The following SYT1 variants were observed in gnomAD, a reference collection of about 807,000 sequenced individuals.
The protein encoded by SYT1 is synaptotagmin 1, also known as synaptotagmin-1.
In SYT1, 8 loss-of-function variants were observed where a neutral mutation model predicts 44.8. That is an observed-to-expected ratio of 0.18 (90% CI 0.10 to 0.32). SYT1 has a LOEUF of 0.32. Among genes scored for constraint, SYT1 ranks in the 10% least tolerant of loss-of-function variants. The pLI is 1.00. For synonymous variants in SYT1, 154 were observed against 188.8 expected (o/e 0.82, Z 1.51); for missense variants, 286 against 509.3 (o/e 0.56, Z 4.22).
At chr12:79,195,004 C>T (rs1873367110) in intron 3 of SYT1, among the ~76,000 whole-genome samples, 1 of 152,136 alleles carries the variant, frequency 6.6e-6, no homozygotes, top group Non-Finnish European at 1.5e-5. Flanking sequence ...ATTCTGTTAA[C>T]CTTGAAGCCC....
intron 9 of SYT1, among the ~76,000 whole-genome samples, chr12:79,390,151 T>C (rs1422628384): frequency 6.6e-6 from 1 of 152,068 alleles, no homozygotes; most frequent in Non-Finnish European, 1.5e-5. Context: ...GCCAGGATGG[T>C]CTCGATCTCC....
intron 8 of SYT1, among the ~76,000 whole-genome samples, chr12:79,309,798 T>A (rs183369515): frequency 6.6e-6 from 1 of 152,182 alleles, no homozygotes; most frequent in Non-Finnish European, 1.5e-5. Flanking sequence ...ACTGTTAACA[T>A]TGTATAGAGA....
chr12:79,401,223 C>G (rs1217307328), intron 9 of SYT1, among the ~76,000 whole-genome samples: 1 of 152,010 alleles, frequency 6.6e-6, no homozygotes, highest in African/African-American at 2.4e-5. Context: ...TTCAAACATA[C>G]CGAATATCAA....
intron 1 of SYT1, among the ~76,000 whole-genome samples, chr12:78,899,697 C>T (rs1042782678): frequency 1.3e-4 from 19 of 151,780 alleles, no homozygotes; most frequent in East Asian, 5.8e-4. Context: ...TTGTTTAATA[C>T]GCAAACTTAG....
chr12:79,084,991 T>C (rs187948049), intron 3 of SYT1, among the ~76,000 whole-genome samples: 6 of 152,286 alleles, frequency 3.9e-5, no homozygotes, highest in Admixed American at 2.0e-4. Flanking sequence ...CAAGATTCAT[T>C]TATATTTCAT....
chr12:79,168,266 G>A (rs1033799350), intron 3 of SYT1, among the ~76,000 whole-genome samples: 13 of 152,036 alleles, frequency 8.6e-5, no homozygotes, highest in Non-Finnish European at 1.2e-4. Context: ...CTAAGCCTCA[G>A]TTTCCTCATC....
chr12:79,229,410 A>G (rs1330660831), intron 4 of SYT1, among the ~76,000 whole-genome samples: 1 of 152,182 alleles, frequency 6.6e-6, no homozygotes, highest in Non-Finnish European at 1.5e-5. Context: ...ATAGATACTT[A>G]AATGTATAAG....
chr12:79,369,458 G>A (rs528452684), intron 9 of SYT1, among the ~76,000 whole-genome samples: 31 of 152,268 alleles, frequency 2.0e-4, no homozygotes, highest in South Asian at 1.2e-3. Flanking sequence ...GTGACAAAGC[G>A]AGACTCTGCC....
At chr12:79,288,527 C>G (rs1353622711) in intron 5 of SYT1, among the ~76,000 whole-genome samples, 2 of 152,128 alleles carry the variant, frequency 1.3e-5, no homozygotes, top group Non-Finnish European at 2.9e-5. Flanking sequence ...ATTCCAATTT[C>G]AATATTCATG....
At chr12:78,892,490 A>G (rs1026133437) in intron 1 of SYT1, among the ~76,000 whole-genome samples, 3 of 151,698 alleles carry the variant, frequency 2.0e-5, no homozygotes, top group Non-Finnish European at 3.0e-5. Context: ...ACCAGTATAG[A>G]CCTAAACAAT....
intron 3 of SYT1, among the ~76,000 whole-genome samples, chr12:79,170,290 G>A (rs1180426536): frequency 1.3e-5 from 2 of 151,932 alleles, no homozygotes; most frequent in Admixed American, 1.3e-4. Context: ...TTCTACAATG[G>A]CTGAACTAAT....
At chr12:79,107,812 GA>G (rs1343271080) in intron 3 of SYT1, among the ~76,000 whole-genome samples, 1 of 151,808 alleles carries the variant, frequency 6.6e-6, no homozygotes, top group Non-Finnish European at 1.5e-5. Context: ...TATCAATTAA[GA>G]AAAAAGCTAA....
At chr12:79,337,106 T>C (rs143048842) in intron 8 of SYT1, among the ~76,000 whole-genome samples, 4 of 152,252 alleles carry the variant, frequency 2.6e-5, no homozygotes, top group African/African-American at 9.6e-5. Context: ...GGCTCACAGA[T>C]AGATTGTGTG....
At chr12:78,954,013 C>A (rs1232441457) in intron 1 of SYT1, among the ~76,000 whole-genome samples, 1 of 152,064 alleles carries the variant, frequency 6.6e-6, no homozygotes, top group Non-Finnish European at 1.5e-5. Flanking sequence ...TGAACAAAGG[C>A]ACTTCATAGA....
chr12:79,261,366 T>C (rs1877821814), intron 4 of SYT1, among the ~76,000 whole-genome samples: 3 of 152,208 alleles, frequency 2.0e-5, no homozygotes, highest in Admixed American at 2.0e-4. Context: ...TGCCACACTA[T>C]GTTTATATTC....
chr12:79,103,666 T>C (rs1363905400), intron 3 of SYT1, among the ~76,000 whole-genome samples: 2 of 152,024 alleles, frequency 1.3e-5, no homozygotes, highest in Non-Finnish European at 2.9e-5. Context: ...ATTAGATTCA[T>C]AGTGGCTTCT....
At chr12:79,443,475 A>C (rs1870540474) in intron 9 of SYT1, among the ~76,000 whole-genome samples, 1 of 151,978 alleles carries the variant, frequency 6.6e-6, no homozygotes, top group Non-Finnish European at 1.5e-5. Flanking sequence ...ATTTTCCCCC[A>C]CAGTCTGAAG....
intron 3 of SYT1, among the ~76,000 whole-genome samples, chr12:79,215,910 A>ATTTC (rs1565859385): frequency 3.4e-5 from 3 of 88,118 alleles, no homozygotes; most frequent in African/African-American, 1.2e-4. Context: ...AATCGTTTGC[A>ATTTC]TTTCTTTCTT....
intron 4 of SYT1, among the ~76,000 whole-genome samples, chr12:79,251,852 C>T (rs1175256724): frequency 1.3e-5 from 2 of 152,178 alleles, no homozygotes; most frequent in African/African-American, 2.4e-5. Context: ...TGATTCAAAA[C>T]GTGTCTAATA....
Sources: gnomAD v4.1 joint callset for allele counts (sites outside exome capture counted in the v4.1 genomes callset) on GRCh38, gnomAD v4.1.1 for gene constraint, MANE v1.5 for transcripts, NCBI Gene and HGNC (gene_info 2026-07-23, HGNC 2026-07-21) for gene names.